FTO: variants seen among roughly 807,000 people sequenced by gnomAD.
FTO encodes alpha-ketoglutarate-dependent dioxygenase FTO.
FTO carries 47 observed loss-of-function variants against 63.9 expected under a neutral mutation model. The observed-to-expected ratio is 0.74, with a 90% CI of 0.58 to 0.94. The LOEUF (loss-of-function observed/expected upper bound fraction) is 0.94. Ranked by LOEUF, FTO falls within the 40% of genes least tolerant of loss-of-function variation. FTO has a pLI of 0.00. For missense variants in FTO, 562 were observed against 618.1 expected, an observed-to-expected ratio of 0.91 and a Z score of 0.96; for synonymous variants, 207 against 224.4, an observed-to-expected ratio of 0.92 and a Z score of 0.69.
intron 5 of FTO, among the ~76,000 whole-genome samples, chr16:53,877,902 C>G (rs2080707138): frequency 6.6e-6 from 1 of 152,110 alleles, no homozygotes. Context: ...TAGGTTGTTT[C>G]TAATCTTGCA....
chr16:54,057,522 G>A (rs1389725355), intron 8 of FTO, among the ~76,000 whole-genome samples: 1 of 152,170 alleles, frequency 6.6e-6, no homozygotes, highest in Non-Finnish European at 1.5e-5. Flanking sequence ...GGAGTGCAGT[G>A]GCACGATCTC....
chr16:54,053,601 C>A (rs982845635), intron 8 of FTO, among the ~76,000 whole-genome samples: 1 of 152,130 alleles, frequency 6.6e-6, no homozygotes, highest in Non-Finnish European at 1.5e-5. Context: ...GTAAAGGTCC[C>A]CCCATTCAGG....
intron 1 of FTO, among the ~76,000 whole-genome samples, chr16:53,714,560 C>T (rs191872661): frequency 2.6e-5 from 4 of 152,120 alleles, no homozygotes; most frequent in Admixed American, 2.0e-4. Flanking sequence ...AGAATAGCAC[C>T]GGGCAAATGA....
At chr16:53,944,396 A>G (rs1034821961) in intron 8 of FTO, among the ~76,000 whole-genome samples, 1 of 152,214 alleles carries the variant, frequency 6.6e-6, no homozygotes, top group Non-Finnish European at 1.5e-5. Context: ...CTACCAGTAG[A>G]TAGGTAGCTA....
chr16:54,086,995 C>A (rs1221050482), intron 8 of FTO, among the ~76,000 whole-genome samples: 2 of 152,168 alleles, frequency 1.3e-5, no homozygotes, highest in African/African-American at 4.8e-5. Context: ...CTTGCTTGGG[C>A]CTCTTGTGCT....
At chr16:54,087,555 G>A (rs1210902609) in intron 8 of FTO, among the ~76,000 whole-genome samples, 1 of 152,122 alleles carries the variant, frequency 6.6e-6, no homozygotes, top group Admixed American at 6.5e-5. Flanking sequence ...TGTAATCCCG[G>A]CATTTTGGGA....
chr16:53,714,044 C>A (rs1254292862), intron 1 of FTO, among the ~76,000 whole-genome samples: 1 of 152,156 alleles, frequency 6.6e-6, no homozygotes, highest in Non-Finnish European at 1.5e-5. Flanking sequence ...ATAACCATGC[C>A]TCCCCTTATG....
At chr16:53,731,684 C>A (rs1407003451) in intron 1 of FTO, among the ~76,000 whole-genome samples, 1 of 152,046 alleles carries the variant, frequency 6.6e-6, no homozygotes, top group Non-Finnish European at 1.5e-5. Flanking sequence ...CATGCCTCAG[C>A]CTCCCGAGTA....
Position 53,979,318 on chromosome 16 carries a change from A to G in FTO, c.1364+45209A>G, listed in dbSNP as rs1426705591. 2.0e-5 allele frequency: 8 copies of G among 398,188 alleles called. No homozygotes were observed. The Admixed American group carries it at 3.1e-4, about 15-fold the overall frequency. The allele number at this position is 398,188 out of a possible 1,614,324, so 24.7% of individuals were successfully genotyped here. ...TTCCTAACAAATTACAGGTTCTTGA[A>G]AAATATATCTGGAATGGATGTTTGA... On this transcript the variant is annotated intron_variant, in intron 8 of 8. Transcript: ENST00000471389.
intron 8 of FTO, among the ~76,000 whole-genome samples, chr16:53,963,743 G>A (rs1460151436): frequency 6.6e-6 from 1 of 152,166 alleles, no homozygotes; most frequent in Non-Finnish European, 1.5e-5. Context: ...GCAGAACCAT[G>A]AGCCAATTAA....
chr16:53,945,146 C>T (rs1215017296), intron 8 of FTO, among the ~76,000 whole-genome samples: 1 of 152,192 alleles, frequency 6.6e-6, no homozygotes, highest in Non-Finnish European at 1.5e-5. Flanking sequence ...TGGGAGGCAT[C>T]TTCCAGCTCT....
chr16:53,910,957 G>T (rs1398487777), intron 7 of FTO, among the ~76,000 whole-genome samples: 1 of 152,226 alleles, frequency 6.6e-6, no homozygotes, highest in Non-Finnish European at 1.5e-5. Context: ...GATGGATGGT[G>T]ATACCATTTA....
intron 8 of FTO, among the ~76,000 whole-genome samples, chr16:54,074,942 G>GTA (rs1555506073): frequency 0.095 from 14,078 of 148,118 alleles, 801 homozygotes; most frequent in South Asian, 0.17. Context: ...GTGTGTGTGT[G>GTA]TGTGTGTGTG....
intron 1 of FTO, among the ~76,000 whole-genome samples, chr16:53,776,195 C>T (rs747488866): frequency 4.6e-5 from 7 of 152,298 alleles, no homozygotes; most frequent in South Asian, 2.1e-4. Context: ...TCCTTATCCC[C>T]GTTTGCCAGG....
At chr16:53,939,717 C>T (rs1303249686) in intron 8 of FTO, among the ~76,000 whole-genome samples, 2 of 152,182 alleles carry the variant, frequency 1.3e-5, no homozygotes, top group Admixed American at 6.5e-5. Flanking sequence ...TCATACAATA[C>T]GTGACCTTTT....
chr16:54,019,486 G>A (rs1201046184), intron 8 of FTO, among the ~76,000 whole-genome samples: 1 of 152,168 alleles, frequency 6.6e-6, no homozygotes, highest in Non-Finnish European at 1.5e-5. Flanking sequence ...TGCAAAAGTT[G>A]TTGGCATATC....
intron 1 of FTO, among the ~76,000 whole-genome samples, chr16:53,788,602 CAAAA>C (rs530568312): frequency 0.015 from 1,495 of 100,162 alleles, 15 homozygotes; most frequent in African/African-American, 0.018. Flanking sequence ...GACTCTGTCT[CAAAA>C]AAAAAAAAAA....
At chr16:53,979,550 T>C (rs1042201778) in intron 8 of FTO, 4 of 394,936 alleles carry the variant, frequency 1.0e-5, no homozygotes, top group Non-Finnish European at 8.9e-6. Flanking sequence ...TGTGTGTGTG[T>C]GTGTGTGTGT....
intron 8 of FTO, among the ~76,000 whole-genome samples, chr16:54,007,050 G>A (rs774620020): frequency 1.3e-5 from 2 of 151,972 alleles, no homozygotes; most frequent in African/African-American, 2.4e-5. Flanking sequence ...GAAATAAAAA[G>A]GTATTTTAAA....
Sources: gnomAD v4.1 joint callset for allele counts (sites outside exome capture counted in the v4.1 genomes callset) on GRCh38, gnomAD v4.1.1 for gene constraint, MANE v1.5 for transcripts, NCBI Gene and HGNC (gene_info 2026-07-23, HGNC 2026-07-21) for gene names.